IGF1R: variants seen among roughly 807,000 people sequenced by gnomAD.
IGF1R encodes the protein insulin like growth factor 1 receptor.
IGF1R carries 44 observed loss-of-function variants against 144.6 expected under a neutral mutation model. That is an observed-to-expected ratio of 0.30 (90% CI 0.24 to 0.39). IGF1R has a LOEUF of 0.39. Among genes scored for constraint, IGF1R ranks in the 10% least tolerant of loss-of-function variants. The pLI, the probability that IGF1R is intolerant of heterozygous loss-of-function variation, is 1.00. For synonymous variants in IGF1R, 795 were observed against 722.8 expected (o/e 1.10, Z -1.60); for missense variants, 1,355 against 1,833.7 (o/e 0.74, Z 4.77).
chr15:98,943,919 G>T (rs138073769), intron 19 of IGF1R, among the ~76,000 whole-genome samples: 3 of 152,260 alleles, frequency 2.0e-5, no homozygotes, highest in African/African-American at 4.8e-5. Flanking sequence ...ACAGTTCAGG[G>T]GCCTTGGATC....
intron 5 of IGF1R, among the ~76,000 whole-genome samples, chr15:98,903,947 G>T (rs961698178): frequency 6.6e-6 from 1 of 152,358 alleles, no homozygotes; most frequent in African/African-American, 2.4e-5. Context: ...ACCACCAATG[G>T]GAATGAGGGA....
At chr15:98,829,675 TG>T (rs1242941640) in intron 2 of IGF1R, among the ~76,000 whole-genome samples, 10 of 152,238 alleles carry the variant, frequency 6.6e-5, no homozygotes, top group Admixed American at 2.0e-4. Flanking sequence ...TCCTGCTGTT[TG>T]GGGACAGTCT....
chr15:98,852,531 A>T (rs1245359357), intron 2 of IGF1R, among the ~76,000 whole-genome samples: 3 of 152,200 alleles, frequency 2.0e-5, no homozygotes, highest in South Asian at 2.1e-4. Flanking sequence ...GCAAGGATGC[A>T]GCAGGAGTAT....
chr15:98,764,798 T>G (rs1312220098), intron 2 of IGF1R, among the ~76,000 whole-genome samples: 2 of 152,176 alleles, frequency 1.3e-5, no homozygotes, highest in African/African-American at 4.8e-5. Context: ...TTTAAAAAAT[T>G]TTTTTATAGA....
In IGF1R at chr15:98,691,104, A is replaced by G. The variant is rs184044832; in HGVS notation, c.95-16458A>G. ...AATTTGCCACAGCTAAGGAACCAGCATTAGTCCATGACTGTCAGTGAACTA... is the reference window on the plus strand; with the variant it reads ...AATTTGCCACAGCTAAGGAACCAGCGTTAGTCCATGACTGTCAGTGAACTA... On this transcript the variant is annotated intron_variant, in intron 1 of 20. Coordinates refer to ENST00000650285, the MANE Select transcript of IGF1R (RefSeq NM_000875.5). Among the ~76,000 whole-genome samples the G allele has an allele frequency of 2.6e-4, 40 of 152,332 alleles. No individual in the cohort carries two copies. The Middle Eastern group carries it at 0.01, about 39-fold the overall frequency.
At chr15:98,949,025 T>C (rs1357426877) in intron 20 of IGF1R, among the ~76,000 whole-genome samples, 1 of 152,224 alleles carries the variant, frequency 6.6e-6, no homozygotes, top group Non-Finnish European at 1.5e-5. Context: ...ATCCTCTCCA[T>C]GTGAGGTTTT....
rs60426791 is a variant in IGF1R at position 98,830,605 on chromosome 15, C to CTTTTTTTTTT, written c.641-60712_641-60703dup. 2.0e-4 allele frequency among the ~76,000 whole-genome samples: 27 copies of CTTTTTTTTTT among 135,946 alleles called. 1 individual carries two copies. The highest frequency in any genetic ancestry group is 6.2e-4 in the African/African-American group (22 of 35,356). 89.2% of individuals were successfully genotyped at this position (135,946 alleles called of 152,430 possible). On this transcript the variant is annotated intron_variant, in intron 2 of 20. Coordinates refer to ENST00000650285, the MANE Select transcript of IGF1R (RefSeq NM_000875.5). Reference sequence around the variant, plus strand: ...CATGGTTCCAACATCTGATCATCATCTTTTTTTTTTTTTTTTTAGATGGAG... The same window carrying CTTTTTTTTTT: ...CATGGTTCCAACATCTGATCATCATCTTTTTTTTTTTTTTTTTTTTTTTTTTTAGATGGAG...
At chr15:98,765,941 A>G (rs567818113) in intron 2 of IGF1R, among the ~76,000 whole-genome samples, 1 of 152,280 alleles carries the variant, frequency 6.6e-6, no homozygotes, top group South Asian at 2.1e-4. Context: ...GATGCCACGC[A>G]AGGGAGAGGG....
chr15:98,655,391 T>C (rs2052460626), intron 1 of IGF1R, among the ~76,000 whole-genome samples: 1 of 152,184 alleles, frequency 6.6e-6, no homozygotes, highest in South Asian at 2.1e-4. Flanking sequence ...TTTTTGAAGA[T>C]TTCTCTCCCT....
At position 98,958,803 on chromosome 15, in the gene IGF1R, T is replaced by A. The variant is rs886051577; in HGVS notation, c.*1361T>A. On this transcript the variant is annotated 3_prime_UTR_variant, in exon 21 of 21. Coordinates refer to ENST00000650285, the MANE Select transcript of IGF1R (RefSeq NM_000875.5). ...CCCTTTCTGCTCACTCCAAGAAACT[T>A]CTTATGCTTTGTACTAGAGTGCGTG... The A allele has an allele frequency of 1.3e-5, 3 of 233,252 alleles. No homozygotes were observed. Among genetic ancestry groups the A allele is most frequent in the Non-Finnish European group, 2.5e-5 (3 of 117,786 alleles). The allele number at this position is 233,252 out of a possible 1,614,324, so 14.4% of individuals were successfully genotyped here.
At position 98,957,331 on chromosome 15, in the gene IGF1R, T is replaced by C; in HGVS notation, c.3993T>C (p.Pro1331=). Residue 1331 remains proline (P), a synonymous_variant, in exon 21 of 21, where the codon CCT becomes CCC. Coordinates refer to ENST00000650285, the MANE Select transcript of IGF1R (RefSeq NM_000875.5). The part of the protein sequence containing the change: ...SGHKAENGPG[P]GVLVLRASFD... The stretch of plus-strand genomic sequence containing the variant: ...ACAAGGCCGAGAACGGCCCCGGCCC[T>C]GGGGTGCTGGTCCTCCGCGCCAGCT... 6.2e-7 allele frequency: 1 copy of C among 1,612,274 alleles called. No individual in the cohort carries two copies.
At chr15:98,672,110 G>GT (rs1224480463) in intron 1 of IGF1R, among the ~76,000 whole-genome samples, 1 of 152,116 alleles carries the variant, frequency 6.6e-6, no homozygotes, top group Non-Finnish European at 1.5e-5. Flanking sequence ...AATGTTTAAT[G>GT]TTTATTTTTA....
At chr15:98,743,339 G>A (rs1202776349) in intron 2 of IGF1R, among the ~76,000 whole-genome samples, 1 of 152,116 alleles carries the variant, frequency 6.6e-6, no homozygotes, top group Non-Finnish European at 1.5e-5. Flanking sequence ...TTTGGAGTAG[G>A]GCTGGGCCAG....
intron 2 of IGF1R, among the ~76,000 whole-genome samples, chr15:98,806,862 A>G (rs1037201454): frequency 3.3e-5 from 5 of 152,178 alleles, no homozygotes; most frequent in African/African-American, 9.7e-5. Flanking sequence ...CATTAATGTC[A>G]TGAAAATTGG....
chr15:98,736,800 C>G (rs1016437699), intron 2 of IGF1R, among the ~76,000 whole-genome samples: 7 of 151,728 alleles, frequency 4.6e-5, no homozygotes, highest in African/African-American at 7.3e-5. Context: ...TTAGTAGAGA[C>G]GACGTTTCAC....
chr15:98,747,522 T>C (rs62024534), intron 2 of IGF1R, among the ~76,000 whole-genome samples: 36,324 of 152,116 alleles, frequency 0.24, 5,285 homozygotes, highest in Middle Eastern at 0.32. Flanking sequence ...GGGTAAGTTA[T>C]TTTTGGTGCC....
intron 2 of IGF1R, among the ~76,000 whole-genome samples, chr15:98,799,502 T>C (rs2056316983): frequency 1.3e-5 from 2 of 152,242 alleles, no homozygotes; most frequent in Non-Finnish European, 2.9e-5. Context: ...TATCTTGATA[T>C]GTTTGCCTTT....
intron 2 of IGF1R, among the ~76,000 whole-genome samples, chr15:98,772,719 A>G (rs1040495946): frequency 1.3e-5 from 2 of 151,412 alleles, no homozygotes; most frequent in African/African-American, 4.9e-5. Flanking sequence ...GGCACTAGCC[A>G]CTGTGCCCAG....
intron 2 of IGF1R, among the ~76,000 whole-genome samples, chr15:98,755,210 T>A (rs1297481482): frequency 6.6e-6 from 1 of 152,170 alleles, no homozygotes; most frequent in Non-Finnish European, 1.5e-5. Flanking sequence ...TCGTAACATT[T>A]TTACTTTTTC....
Sources: gnomAD v4.1 joint callset for allele counts (sites outside exome capture counted in the v4.1 genomes callset) on GRCh38, gnomAD v4.1.1 for gene constraint, MANE v1.5 for transcripts, NCBI Gene and HGNC (gene_info 2026-07-23, HGNC 2026-07-21) for gene names.